LOC400499: variants seen among roughly 807,000 people sequenced by gnomAD.
chr16:11,391,283 G>A, the LOC400499 span, among the ~76,000 whole-genome samples: 6 of 152,364 alleles, frequency 3.9e-5, no homozygotes, highest in Non-Finnish European at 7.3e-5. Flanking sequence ...GGCAGCAGGT[G>A]TGAGCCTTTA....
the LOC400499 span, chr16:11,392,718 A>C: frequency 1.1e-6 from 1 of 949,226 alleles, no homozygotes; most frequent in South Asian, 4.8e-5. Context: ...GGGATGCCAT[A>C]AGGCTTCAGG....
the LOC400499 span, among the ~76,000 whole-genome samples, chr16:11,491,121 CA>C: frequency 0.021 from 3,162 of 152,246 alleles, 80 homozygotes; most frequent in East Asian, 0.14. Context: ...TGGAGGCTCA[CA>C]AAGGTTTACT....
the LOC400499 span, among the ~76,000 whole-genome samples, chr16:11,413,160 C>T: frequency 1.3e-5 from 2 of 152,136 alleles, no homozygotes; most frequent in African/African-American, 2.4e-5. Flanking sequence ...CAGTGCCCAC[C>T]GAGGGACCTC....
chr16:11,387,119 G>A, the LOC400499 span: 5 of 1,232,184 alleles, frequency 4.1e-6, no homozygotes, highest in Non-Finnish European at 5.1e-6. Context: ...ACATTCCCAG[G>A]GGCCCGCCAG....
At chr16:11,404,687 G>A in the LOC400499 span, 3 of 398,958 alleles carry the variant, frequency 7.5e-6, no homozygotes, top group Non-Finnish European at 1.3e-5. Context: ...CCTGCCTGCA[G>A]CCCCTCACAC....
chr16:11,413,622 G>C, the LOC400499 span, among the ~76,000 whole-genome samples: 2 of 152,168 alleles, frequency 1.3e-5, no homozygotes, highest in African/African-American at 4.8e-5. Flanking sequence ...CTATTTTGCT[G>C]CTAACTTGCT....
the LOC400499 span, among the ~76,000 whole-genome samples, chr16:11,451,856 G>T: frequency 6.7e-3 from 1,026 of 152,284 alleles, 5 homozygotes; most frequent in Middle Eastern, 0.027. Flanking sequence ...CCGCGGAGTT[G>T]AGAATAGGGA....
the LOC400499 span, among the ~76,000 whole-genome samples, chr16:11,463,273 G>A: frequency 1.4e-5 from 2 of 147,370 alleles, no homozygotes; most frequent in Admixed American, 6.9e-5. Flanking sequence ...CCCCCCTGAT[G>A]GCCACCAGCT....
the LOC400499 span, among the ~76,000 whole-genome samples, chr16:11,374,455 C>T: frequency 6.6e-6 from 1 of 152,194 alleles, no homozygotes; most frequent in African/African-American, 2.4e-5. Flanking sequence ...TACTGCCAAA[C>T]TGAAACTTTA....
At chr16:11,418,115 G>C in the LOC400499 span, among the ~76,000 whole-genome samples, 623 of 152,314 alleles carry the variant, frequency 4.1e-3, 7 homozygotes, top group African/African-American at 0.014. Context: ...GATGGCTGGA[G>C]AAAGACTTTG....
the LOC400499 span, chr16:11,383,843 G>A: frequency 7.3e-6 from 9 of 1,232,232 alleles, no homozygotes; most frequent in Non-Finnish European, 7.1e-6. Flanking sequence ...AGCTTGATGA[G>A]ACAAAGGGCC....
chr16:11,440,793 C>T, the LOC400499 span: 1 of 399,054 alleles, frequency 2.5e-6, no homozygotes, highest in East Asian at 3.6e-5. Flanking sequence ...CTTGGGGACT[C>T]TGTCTAAAGA....
the LOC400499 span, among the ~76,000 whole-genome samples, chr16:11,476,107 G>A: frequency 1.3e-5 from 2 of 151,884 alleles, no homozygotes; most frequent in African/African-American, 4.8e-5. Flanking sequence ...GAACAAGTTG[G>A]CTGCTTTAGG....
the LOC400499 span, among the ~76,000 whole-genome samples, chr16:11,510,303 C>T: frequency 6.6e-6 from 1 of 151,794 alleles, no homozygotes; most frequent in Non-Finnish European, 1.5e-5. Flanking sequence ...TCTAGCTCCA[C>T]ACAGGTGCAC....
At chr16:11,417,318 C>T in the LOC400499 span, among the ~76,000 whole-genome samples, 1 of 152,156 alleles carries the variant, frequency 6.6e-6, no homozygotes, top group African/African-American at 2.4e-5. Context: ...CCTCAACCTT[C>T]TGGCTCCAGT....
chr16:11,518,844 C>T, the LOC400499 span: 1 of 399,136 alleles, frequency 2.5e-6, no homozygotes, highest in Non-Finnish European at 4.4e-6. Flanking sequence ...CGGCAGAGGG[C>T]TCACAGCTCC....
chr16:11,514,891 C>A, the LOC400499 span, among the ~76,000 whole-genome samples: 1 of 152,166 alleles, frequency 6.6e-6, no homozygotes, highest in East Asian at 1.9e-4. Flanking sequence ...GATGCTGAGA[C>A]TTTTGATAGT....
chr16:11,401,500 G>C, the LOC400499 span: 2 of 398,790 alleles, frequency 5.0e-6, no homozygotes, highest in East Asian at 3.6e-5. Flanking sequence ...CGAGGTCAAG[G>C]CTGCAAAAGG....
the LOC400499 span, among the ~76,000 whole-genome samples, chr16:11,374,709 A>C: frequency 6.6e-6 from 1 of 152,226 alleles, no homozygotes; most frequent in South Asian, 2.1e-4. Context: ...GAGAGACCAC[A>C]TTTATCTGTC....
Sources: gnomAD v4.1 joint callset for allele counts (sites outside exome capture counted in the v4.1 genomes callset) on GRCh38, gnomAD v4.1.1 for gene constraint, MANE v1.5 for transcripts.